DNAJC10: variants seen among roughly 807,000 people sequenced by gnomAD.
DNAJC10 encodes DnaJ heat shock protein family (Hsp40) member C10.
DNAJC10 carries 101 observed loss-of-function variants against 115.0 expected under a neutral mutation model. The ratio of observed to expected loss-of-function variants is 0.88; its 90% CI spans 0.75 to 1.04. The LOEUF is 1.04. Ranked by LOEUF, DNAJC10 falls within the 50% of genes least tolerant of loss-of-function variation. The pLI, the probability that DNAJC10 is intolerant of heterozygous loss-of-function variation, is 0.00. For missense variants in DNAJC10, 981 were observed against 928.8 expected, an observed-to-expected ratio of 1.06 and a Z score of -0.73; for synonymous variants, 307 against 301.5, an observed-to-expected ratio of 1.02 and a Z score of -0.19.
chr2:182,739,914 A>G, intron 11 of DNAJC10: 1 of 987,430 alleles, frequency 1.0e-6, no homozygotes, highest in Non-Finnish European at 1.2e-6. Flanking sequence ...TGTGTAAAAC[A>G]TTGGCATTCT....
rs1193592170 is a variant in DNAJC10 at position 182,785,185 on chromosome 2, T to C, written c.*8053T>C. 1 of 152,156 alleles carries C rather than the reference T, an allele frequency of 6.6e-6. No homozygotes were observed. Among genetic ancestry groups the C allele is most frequent in the Non-Finnish European group, 1.5e-5 (1 of 68,014 alleles). 9.4% of individuals were successfully genotyped at this position (152,156 alleles called of 1,614,324 possible). A position where few individuals can be genotyped will look rare whatever the true frequency, so the allele number is the denominator to read the frequency against. On this transcript the variant is annotated 3_prime_UTR_variant, in exon 24 of 24. Coordinates refer to ENST00000264065, the MANE Select transcript of DNAJC10 (RefSeq NM_018981.4). ...ACTGCTATAGACATGTAAAGATACA[T>C]ACATGTATTGGAGCTCAGCAGATTC...
chr2:182,727,666 G>A (rs977943037), intron 5 of DNAJC10, among the ~76,000 whole-genome samples: 3 of 152,136 alleles, frequency 2.0e-5, no homozygotes, highest in African/African-American at 4.8e-5. Context: ...TAATTAGCCT[G>A]AATTAGTTGC....
Position 182,729,860 on chromosome 2 carries a change from T to C in DNAJC10, c.646T>C (p.Tyr216His). 3 of 1,591,876 alleles carry C rather than the reference T, an allele frequency of 1.9e-6. No individual in the cohort carries two copies. Among genetic ancestry groups the C allele is most frequent in the Non-Finnish European group, 2.6e-6 (3 of 1,171,370 alleles). ...CAAAAACCAATAGGCCCCAGTGAAA[T>C]ATCATGGAGACAGATCAAAGGAGAG... ...IFRSGMAPVK[Y>H]HGDRSKESLV... Residue 216 changes from tyrosine (Y) to histidine (H), a missense_variant, in exon 8 of 24, where the codon TAT becomes CAT. Physicochemically the swap from Tyr to His is moderately conservative, Grantham distance 83. Coordinates refer to ENST00000264065, the MANE Select transcript of DNAJC10 (RefSeq NM_018981.4).
At position 182,752,126 on chromosome 2, in the gene DNAJC10, C is replaced by T; in HGVS notation, c.1489C>T (p.Leu497Phe). The stretch of plus-strand genomic sequence containing the variant: ...AGAGTTACGAAGAGCATCAAATCTT[C>T]TTTATGGTCAGCTTAAGTTTGGTAC... ...LPELRRASNLLYGQLKFGTLD... is the reference protein window; with the variant it reads ...LPELRRASNLFYGQLKFGTLD... The change falls in exon 16 of 24, where the codon CTT becomes TTT. Residue 497 changes from leucine (L) to phenylalanine (F), a missense_variant. Leu to Phe is a conservative substitution (Grantham distance 22). Transcript: ENST00000264065. The T allele has an allele frequency of 1.2e-6, 2 of 1,613,696 alleles. No homozygotes were observed. The highest frequency in any genetic ancestry group is 1.7e-6 in the Non-Finnish European group (2 of 1,179,818).
rs1438542266 is a variant in DNAJC10, at chr2:182,792,275, T to C, written c.*15143T>C. 6.6e-6 allele frequency: 1 copy of C among 152,190 alleles called. No individual in the cohort carries two copies. Among genetic ancestry groups the C allele is most frequent in the Non-Finnish European group, 1.5e-5 (1 of 68,032 alleles). The allele number at this position is 152,190 out of a possible 1,614,324, so 9.4% of individuals were successfully genotyped here. ...AATTAAATGCACTATCTGAAGTCTA[T>C]GTTTATTAAATGAGGATTACAGTAG... On this transcript the variant is annotated 3_prime_UTR_variant, in exon 24 of 24. Transcript: ENST00000264065.
At chr2:182,754,792 T>C (rs1574945399) in intron 16 of DNAJC10, 1 of 1,308,600 alleles carries the variant, frequency 7.6e-7, no homozygotes, top group East Asian at 3.1e-5. Context: ...GGAGCAGCTA[T>C]AAATAAGGAT....
chr2:182,785,772 T>C lies in DNAJC10; in HGVS notation c.*8640T>C, dbSNP rs1300859577. 6.6e-6 allele frequency: 1 copy of C among 152,178 alleles called. No individual in the cohort carries two copies. The highest frequency in any genetic ancestry group is 1.5e-5 in the Non-Finnish European group (1 of 68,020). The allele number at this position is 152,178 out of a possible 1,614,324, so 9.4% of individuals were successfully genotyped here. On this transcript the variant is annotated 3_prime_UTR_variant, in exon 24 of 24. Coordinates refer to ENST00000264065, the MANE Select transcript of DNAJC10 (RefSeq NM_018981.4). ...GAACAGACTATTGTATACATTTATA[T>C]ATACATAGATCTATAGAGACAGTAG...
At chr2:182,720,824 C>T (rs901813059) in intron 4 of DNAJC10, among the ~76,000 whole-genome samples, 1 of 151,886 alleles carries the variant, frequency 6.6e-6, no homozygotes, top group Non-Finnish European at 1.5e-5. Flanking sequence ...TCATATTGTC[C>T]AAGAAAGGCG....
At chr2:182,731,195 TTAAG>T in intron 9 of DNAJC10, 88 bp downstream of exon 9, 1 of 905,096 alleles carries the variant, frequency 1.1e-6, no homozygotes, top group South Asian at 1.6e-5. Flanking sequence ...TAATTGATTA[TTAAG>T]TACTAGAAAC....
At chr2:182,738,992 T>G (rs1403338965) in intron 11 of DNAJC10, among the ~76,000 whole-genome samples, 1 of 151,860 alleles carries the variant, frequency 6.6e-6, no homozygotes, top group African/African-American at 2.4e-5. Context: ...TCTAGTAGAT[T>G]AAGCACTGCA....
intron 4 of DNAJC10, 106 bp from the exon 5 acceptor site, chr2:182,721,919 A>G (rs1424518953): frequency 3.3e-6 from 2 of 610,686 alleles, no homozygotes; most frequent in Non-Finnish European, 5.5e-6. Flanking sequence ...GAGATATAAT[A>G]TAGTAGTTTG....
In DNAJC10 at chr2:182,752,074, G is replaced by A; in HGVS notation, c.1437G>A (p.Trp479Ter). 2.5e-6 allele frequency: 4 copies of A among 1,609,272 alleles called. No individual in the cohort carries two copies. Among genetic ancestry groups the A allele is most frequent in the Non-Finnish European group, 3.4e-6 (4 of 1,177,132 alleles). The change falls in exon 16 of 24, where the codon TGG (tryptophan) becomes TGA (stop). Residue 479 changes from tryptophan to a stop codon, truncating the protein, a stop_gained and splice_region_variant. Coordinates refer to ENST00000264065, the MANE Select transcript of DNAJC10 (RefSeq NM_018981.4). LOFTEE classifies it high-confidence loss of function. ...TATGAATATTTTTTCTTTCCTAGTG[G>A]TGTCCACCATGTCGAGCTTTACTAC... is the stretch of plus-strand genomic sequence containing the variant. ...EPWLVDFFAP[W>*]CPPCRALLPE...
At chr2:182,718,653 GA>G (rs1574913437) in intron 3 of DNAJC10, among the ~76,000 whole-genome samples, 1 of 152,318 alleles carries the variant, frequency 6.6e-6, no homozygotes, top group East Asian at 1.9e-4. Context: ...TTAAAACTCA[GA>G]GGGTATGACT....
Position 182,778,591 on chromosome 2 carries a change from G to A in DNAJC10, c.*1459G>A, listed in dbSNP as rs1315416604. 3 of 151,058 alleles carry A rather than the reference G, an allele frequency of 2.0e-5. No homozygotes were observed. Among genetic ancestry groups the A allele is most frequent in the African/African-American group, 7.3e-5 (3 of 41,058 alleles). 9.4% of individuals were successfully genotyped at this position (151,058 alleles called of 1,614,324 possible). On this transcript the variant is annotated 3_prime_UTR_variant, in exon 24 of 24. Coordinates refer to ENST00000264065, the MANE Select transcript of DNAJC10 (RefSeq NM_018981.4). Reference sequence around the variant, plus strand: ...CAATATCACTTTATCCTGCTCACCAGTATTTCCTCATAAGGGTTATTATAG... The same window carrying A: ...CAATATCACTTTATCCTGCTCACCAATATTTCCTCATAAGGGTTATTATAG...
At chr2:182,768,458 G>A (rs1694473046) in intron 22 of DNAJC10, among the ~76,000 whole-genome samples, 1 of 152,194 alleles carries the variant, frequency 6.6e-6, no homozygotes, top group Non-Finnish European at 1.5e-5. Context: ...AAACATCCCT[G>A]TCCAAATTGA....
At chr2:182,728,776 T>A in intron 6 of DNAJC10, 87 bp from the exon 7 acceptor site, 1 of 1,519,040 alleles carries the variant, frequency 6.6e-7, no homozygotes, top group African/African-American at 1.4e-5. Flanking sequence ...ACTTTAAATG[T>A]CTGGTTTAAA....
chr2:182,747,458 G>A (rs1308470207), intron 14 of DNAJC10, among the ~76,000 whole-genome samples: 2 of 104,714 alleles, frequency 1.9e-5, no homozygotes, highest in Non-Finnish European at 3.9e-5. Context: ...TCCCTTGTAA[G>A]TTGGATTCCT....
At position 182,778,010 on chromosome 2, in the gene DNAJC10, A is replaced by G. The variant is rs1468985358; in HGVS notation, c.*878A>G. 6.6e-6 allele frequency: 1 copy of G among 152,164 alleles called. No homozygotes were observed. The highest frequency in any genetic ancestry group is 1.5e-5 in the Non-Finnish European group (1 of 68,026). The allele number at this position is 152,164 out of a possible 1,614,324, so 9.4% of individuals were successfully genotyped here. A position where few individuals can be genotyped will look rare whatever the true frequency, so the allele number is the denominator to read the frequency against. The stretch of plus-strand genomic sequence containing the variant: ...TTAGAGTTCTATATTTTAAAGATAT[A>G]TGTGTTCATGTATTTTCTGAAATTG... On this transcript the variant is annotated 3_prime_UTR_variant, in exon 24 of 24. Coordinates refer to ENST00000264065, the MANE Select transcript of DNAJC10 (RefSeq NM_018981.4).
rs1695059948 is a variant in DNAJC10, at chr2:182,792,051, A to G, written c.*14919A>G. 1 of 152,192 alleles carries G rather than the reference A, an allele frequency of 6.6e-6. No homozygotes were observed. The highest frequency in any genetic ancestry group is 2.1e-4 in the South Asian group (1 of 4,834). The allele number at this position is 152,192 out of a possible 1,614,324, so 9.4% of individuals were successfully genotyped here. On this transcript the variant is annotated 3_prime_UTR_variant, in exon 24 of 24. Transcript: ENST00000264065. ...AGTATGTTTCCCTGTCCTAGAGTGC[A>G]TGAACTTTCAAAGCCAGGACACAAT...
Sources: gnomAD v4.1 joint callset for allele counts (sites outside exome capture counted in the v4.1 genomes callset) on GRCh38, gnomAD v4.1.1 for gene constraint, MANE v1.5 for transcripts, NCBI Gene and HGNC (gene_info 2026-07-23, HGNC 2026-07-21) for gene names.